Variants in GPRC5B observed in about 807,000 individuals in gnomAD.
GPRC5B encodes G protein-coupled receptor class C group 5 member B, also known as G protein-coupled receptor family C group 5 member B.
In GPRC5B, 16 loss-of-function variants were observed where a neutral mutation model predicts 30.1. The ratio of observed to expected loss-of-function variants is 0.53; its 90% CI spans 0.36 to 0.81. The LOEUF is 0.81. Among genes scored for constraint, GPRC5B ranks in the 30% least tolerant of loss-of-function variants. The pLI is 0.01. For missense variants in GPRC5B, 428 were observed against 544.7 expected, an observed-to-expected ratio of 0.79 and a Z score of 2.13; for synonymous variants, 241 against 239.5, an observed-to-expected ratio of 1.01 and a Z score of -0.06.
At chr16:19,883,693 C>T (rs897351067) in intron 1 of GPRC5B, among the ~76,000 whole-genome samples, 7 of 152,246 alleles carry the variant, frequency 4.6e-5, no homozygotes, top group Admixed American at 2.6e-4. Flanking sequence ...CGCCGCTGCC[C>T]GCCACACTCC....
In GPRC5B at chr16:19,858,326, G is replaced by A; in HGVS notation, c.*2174C>T. 1 of 442,460 alleles carries A rather than the reference G, an allele frequency of 2.3e-6. No homozygotes were observed. The highest frequency in any genetic ancestry group is 4.0e-6 in the Non-Finnish European group (1 of 250,134). 27.4% of individuals were successfully genotyped at this position (442,460 alleles called of 1,614,324 possible). A position where few individuals can be genotyped will look rare whatever the true frequency, so the allele number is the denominator to read the frequency against. ...CGATAACATATCAGATTTAAAAGGGGGGAAAAAGGTCTCATTAAATGAGGC... is the reference window on the plus strand; with the variant it reads ...CGATAACATATCAGATTTAAAAGGGAGGAAAAAGGTCTCATTAAATGAGGC... On this transcript the variant is annotated 3_prime_UTR_variant, in exon 4 of 4. Coordinates refer to ENST00000300571, the MANE Select transcript of GPRC5B (RefSeq NM_016235.3).
intron 1 of GPRC5B, among the ~76,000 whole-genome samples, chr16:19,877,549 T>C (rs1210050681): frequency 6.6e-6 from 1 of 152,148 alleles, no homozygotes. Context: ...CTAGGATTTC[T>C]GGGGGATTCA....
In GPRC5B at chr16:19,859,208, A is replaced by G. The variant is rs534354468; in HGVS notation, c.*1292T>C. ...TAAAACTCTGCTTTGAATCGATGCT[A>G]GAGGTTATGCTGGCCAAACAGTGCA... On this transcript the variant is annotated 3_prime_UTR_variant, in exon 4 of 4. Coordinates refer to ENST00000300571, the MANE Select transcript of GPRC5B (RefSeq NM_016235.3). 6.5e-6 allele frequency: 1 copy of G among 152,804 alleles called. No individual in the cohort carries two copies. The highest frequency in any genetic ancestry group is 2.4e-5 in the African/African-American group (1 of 41,580). The allele number at this position is 152,804 out of a possible 1,614,324, so 9.5% of individuals were successfully genotyped here. A position where few individuals can be genotyped will look rare whatever the true frequency, so the allele number is the denominator to read the frequency against.
Position 19,872,620 on chromosome 16 carries a change from T to C in GPRC5B, c.226A>G (p.Ile76Val). 6.2e-7 allele frequency: 1 copy of C among 1,614,040 alleles called. No homozygotes were observed. Among genetic ancestry groups the C allele is most frequent in the South Asian group, 1.1e-5 (1 of 91,080 alleles). Residue 76 changes from isoleucine (I) to valine (V), a missense_variant, in exon 2 of 4, where the codon ATC becomes GTC. Ile to Val is a conservative substitution (Grantham distance 29). Coordinates refer to ENST00000300571, the MANE Select transcript of GPRC5B (RefSeq NM_016235.3). The surrounding 1 kb of genome is among the most constrained non-coding windows in gnomAD (Gnocchi z 5.0). Reference sequence around the variant, plus strand: ...ATGAAGGGCAGCCGCACCAGGAGGATGAGCATCAGGAGCAGTGTGATCAGG... The same window carrying C: ...ATGAAGGGCAGCCGCACCAGGAGGACGAGCATCAGGAGCAGTGTGATCAGG... ...GALITLLLML[I>V]LLVRLPFIKE...
At chr16:19,883,572 C>A (rs928441392) in intron 1 of GPRC5B, among the ~76,000 whole-genome samples, 8 of 152,390 alleles carry the variant, frequency 5.2e-5, no homozygotes, top group African/African-American at 1.9e-4. Flanking sequence ...TCCCCCACTT[C>A]TCTTGTCTTT....
rs766878960 is a variant in GPRC5B at position 19,871,941 on chromosome 16, T to A, written c.905A>T (p.Glu302Val). 1.2e-6 allele frequency: 2 copies of A among 1,613,982 alleles called. No individual in the cohort carries two copies. Among genetic ancestry groups the A allele is most frequent in the African/African-American group, 2.7e-5 (2 of 74,914 alleles). Residue 302 changes from glutamate to valine, a missense_variant, in exon 2 of 4, where the codon GAG becomes GTG. This residue lies in a region of GPRC5B where 213 missense variants were observed against 229.1 expected (regional missense o/e 0.93). Transcript: ENST00000300571. ...IHCTLLPALQENTPNYFDTSQ... is the reference protein window; with the variant it reads ...IHCTLLPALQVNTPNYFDTSQ... ...CGTGTCGAAGTAGTTGGGCGTGTTC[T>A]CCTGCAGGGCTGGCAGAAGGGTGCA...
At chr16:19,884,206 T>C (rs150849348) in intron 1 of GPRC5B, among the ~76,000 whole-genome samples, 1,633 of 139,082 alleles carry the variant, frequency 0.012, 12 homozygotes, top group Non-Finnish European at 0.016. Context: ...TGCTGAGTAA[T>C]GCGCACTCAA....
At chr16:19,877,131 G>A (rs1037544974) in intron 1 of GPRC5B, among the ~76,000 whole-genome samples, 2 of 152,198 alleles carry the variant, frequency 1.3e-5, no homozygotes, top group Non-Finnish European at 2.9e-5. Context: ...GAGTAAAGCT[G>A]TCCCAGAGGA....
chr16:19,860,172 C>T lies in GPRC5B; in HGVS notation c.*328G>A, dbSNP rs1205694175. ...CAGCTGTGAATTTGGTTCTGTTCTA[C>T]CCCCAGAGGATGAAACAGTCTTCCC... On this transcript the variant is annotated 3_prime_UTR_variant, in exon 4 of 4. Transcript: ENST00000300571. The T allele has an allele frequency of 1.1e-5, 3 of 270,956 alleles. No homozygotes were observed. The highest frequency in any genetic ancestry group is 4.5e-5 in the African/African-American group (2 of 44,114). The allele number at this position is 270,956 out of a possible 1,614,324, so 16.8% of individuals were successfully genotyped here. A position where few individuals can be genotyped will look rare whatever the true frequency, so the allele number is the denominator to read the frequency against.
In GPRC5B at chr16:19,860,408, C is replaced by T. The variant is rs2056611376; in HGVS notation, c.*92G>A. 8 of 795,400 alleles carry T rather than the reference C, an allele frequency of 1.0e-5. No individual in the cohort carries two copies. The highest frequency in any genetic ancestry group is 9.2e-5 in the South Asian group (6 of 65,176). The allele number at this position is 795,400 out of a possible 1,614,324, so 49.3% of individuals were successfully genotyped here. A position where few individuals can be genotyped will look rare whatever the true frequency, so the allele number is the denominator to read the frequency against. On this transcript the variant is annotated 3_prime_UTR_variant, in exon 4 of 4. Transcript: ENST00000300571. ...TTCCTGGCTGTGAGGCGGCCTGGTT[C>T]GGCAACTGTTACCGATTTCTCCCTC... is the stretch of plus-strand genomic sequence containing the variant.
intron 3 of GPRC5B, 89 bp from the exon 4 acceptor site, chr16:19,860,633 A>G: frequency 1.2e-6 from 1 of 808,518 alleles, no homozygotes; most frequent in Non-Finnish European, 2.1e-6. Context: ...CGCGGCAAAA[A>G]TAAGTTACCT....
rs148415835 is a variant in GPRC5B, at chr16:19,860,238, C to T, written c.*262G>A. On this transcript the variant is annotated 3_prime_UTR_variant, in exon 4 of 4. Coordinates refer to ENST00000300571, the MANE Select transcript of GPRC5B (RefSeq NM_016235.3). ...TGAGCCTAATACTATTTGCAATTAG[C>T]TTTGCTTTAGTTTGCGGGGATTGAG... 4.0e-3 allele frequency: 1,802 copies of T among 448,090 alleles called. 12 individuals carry two copies. The highest frequency in any genetic ancestry group is 6.0e-3 in the Non-Finnish European group (1,492 of 246,992). 27.8% of individuals were successfully genotyped at this position (448,090 alleles called of 1,614,324 possible).
Position 19,872,561 on chromosome 16 carries a change from G to A in GPRC5B, c.285C>T (p.Leu95=). The change falls in exon 2 of 4, where the codon CTC becomes CTT. Residue 95 remains leucine, a synonymous_variant. Coordinates refer to ENST00000300571, the MANE Select transcript of GPRC5B (RefSeq NM_016235.3). The surrounding 1 kb of genome is among the most constrained non-coding windows in gnomAD (Gnocchi z 5.0). Reference sequence around the variant, plus strand: ...GGGTCCCCAGGAGGAACAGAAAGTGGAGGCCCACAGGGCTCTTCTTCTCCT... The same window carrying A: ...GGGTCCCCAGGAGGAACAGAAAGTGAAGGCCCACAGGGCTCTTCTTCTCCT... ...KEKEKKSPVG[L]HFLFLLGTLG... is the part of the protein sequence containing the mutation. 6.2e-7 allele frequency: 1 copy of A among 1,614,108 alleles called. No individual in the cohort carries two copies. Among genetic ancestry groups the A allele is most frequent in the South Asian group, 1.1e-5 (1 of 91,082 alleles).
intron 1 of GPRC5B, among the ~76,000 whole-genome samples, chr16:19,883,248 G>C (rs1340238390): frequency 2.1e-5 from 3 of 144,002 alleles, no homozygotes; most frequent in Non-Finnish European, 3.0e-5. Context: ...TAACAAAACT[G>C]CCTGTCTTGC....
chr16:19,863,957 T>C (rs1350853317), intron 2 of GPRC5B, among the ~76,000 whole-genome samples: 1 of 151,926 alleles, frequency 6.6e-6, no homozygotes, highest in African/African-American at 2.4e-5. Context: ...CCTTGATCCA[T>C]GGAAAGATTG....
At chr16:19,861,731 A>G in intron 3 of GPRC5B, 106 bp downstream of exon 3, 1 of 897,444 alleles carries the variant, frequency 1.1e-6, no homozygotes. Flanking sequence ...CGGTCCTTGC[A>G]GGCCACATGG....
Position 19,871,894 on chromosome 16 carries a change from T to C in GPRC5B, c.952A>G (p.Thr318Ala), listed in dbSNP as rs751085269. 5 of 1,613,880 alleles carry C rather than the reference T, an allele frequency of 3.1e-6. No homozygotes were observed. The East Asian group carries it at 6.7e-5, about 22-fold the overall frequency. ...AGCTGCACGTCCTCCTCGAAGGCCGTCTCCCGCATCCTGGGCTGCGACGTG... is the reference window on the plus strand; with the variant it reads ...AGCTGCACGTCCTCCTCGAAGGCCGCCTCCCGCATCCTGGGCTGCGACGTG... Reference protein sequence around the residue: ...FDTSQPRMRETAFEEDVQLPR... With the variant: ...FDTSQPRMREAAFEEDVQLPR... Residue 318 changes from threonine (T) to alanine (A), a missense_variant, in exon 2 of 4, where the codon ACG becomes GCG. By Grantham distance (58) the Thr-to-Ala change is moderately conservative (BLOSUM62 0). Coordinates refer to ENST00000300571, the MANE Select transcript of GPRC5B (RefSeq NM_016235.3).
chr16:19,879,329 C>T (rs2056784433), intron 1 of GPRC5B, among the ~76,000 whole-genome samples: 1 of 152,204 alleles, frequency 6.6e-6, no homozygotes, highest in African/African-American at 2.4e-5. Flanking sequence ...ACTCAGCTCA[C>T]ATACTAATTA....
At chr16:19,874,539 G>C (rs1038849933) in intron 1 of GPRC5B, among the ~76,000 whole-genome samples, 1 of 152,204 alleles carries the variant, frequency 6.6e-6, no homozygotes, top group Non-Finnish European at 1.5e-5. Flanking sequence ...GGCAGACAAG[G>C]CTCCTTCAGT....
Sources: allele counts gnomAD v4.1 joint callset (sites outside exome capture counted in the v4.1 genomes callset), GRCh38; gene constraint gnomAD v4.1.1; regional missense constraint gnomAD v4.1.1; non-coding constraint Gnocchi (gnomAD v3.1); transcripts MANE v1.5; gene names NCBI Gene and HGNC (gene_info 2026-07-23, HGNC 2026-07-21).